The following RPGRIP1L variants were observed in gnomAD, a reference collection of about 807,000 sequenced individuals.
The protein encoded by RPGRIP1L is RPGRIP1 like.
In RPGRIP1L, 131 loss-of-function variants were observed where a neutral mutation model predicts 160.4. That is an observed-to-expected ratio of 0.82 (90% CI 0.71 to 0.94). The LOEUF (loss-of-function observed/expected upper bound fraction) is 0.94, where lower values mean the gene tolerates loss of function less well. RPGRIP1L is among the 40% of genes least tolerant of loss of function. The pLI, the probability that RPGRIP1L is intolerant of heterozygous loss-of-function variation, is 0.00. For synonymous variants in RPGRIP1L, 510 were observed against 515.8 expected, an observed-to-expected ratio of 0.99 and a Z score of 0.15; for missense variants, 1,522 against 1,535.8, an observed-to-expected ratio of 0.99 and a Z score of 0.15.
intron 10 of RPGRIP1L, chr16:53,659,244 A>G (rs1967554510): frequency 1.1e-6 from 1 of 941,236 alleles, no homozygotes; most frequent in Non-Finnish European, 1.3e-6. Context: ...GCATGTGGAA[A>G]AAAAATTGTC....
At chr16:53,647,964 C>G (rs1417935519) in intron 16 of RPGRIP1L, among the ~76,000 whole-genome samples, 3 of 151,826 alleles carry the variant, frequency 2.0e-5, no homozygotes, top group African/African-American at 7.3e-5. Flanking sequence ...ATTTAGCCGG[C>G]TGTAGTGGCA....
chr16:53,620,618 T>C (rs114606911), intron 23 of RPGRIP1L, among the ~76,000 whole-genome samples: 1,571 of 152,290 alleles, frequency 0.01, 29 homozygotes, highest in African/African-American at 0.036. Flanking sequence ...ATTAAAGTGA[T>C]GGTCTTTGAC....
chr16:53,695,373 G>T, intron 3 of RPGRIP1L: 1 of 702,962 alleles, frequency 1.4e-6, no homozygotes, highest in South Asian at 1.5e-5. Context: ...AGTAGAAACT[G>T]AACTGGAACC....
At chr16:53,639,958 C>T (rs1435176313) in intron 19 of RPGRIP1L, among the ~76,000 whole-genome samples, 1 of 151,988 alleles carries the variant, frequency 6.6e-6, no homozygotes, top group Non-Finnish European at 1.5e-5. Flanking sequence ...ATTTAAAAAT[C>T]CATTGAGCTC....
chr16:53,668,393 T>C (rs896557287), intron 9 of RPGRIP1L, among the ~76,000 whole-genome samples: 4 of 152,162 alleles, frequency 2.6e-5, no homozygotes, highest in Non-Finnish European at 5.9e-5. Context: ...AATATCATCT[T>C]AAAAACTAGA....
At chr16:53,621,021 A>G (rs1274929846) in intron 23 of RPGRIP1L, among the ~76,000 whole-genome samples, 2 of 152,232 alleles carry the variant, frequency 1.3e-5, no homozygotes, top group African/African-American at 4.8e-5. Flanking sequence ...GAAAATAGCT[A>G]TAAAAAGAAA....
intron 22 of RPGRIP1L, among the ~76,000 whole-genome samples, chr16:53,633,785 ATAGAG>A (rs72029016): frequency 0.023 from 3,518 of 152,322 alleles, 76 homozygotes; most frequent in Non-Finnish European, 0.034. Context: ...GATAAAACAA[ATAGAG>A]TAAAGACTTA....
chr16:53,626,163 A>G (rs899410321), intron 22 of RPGRIP1L, among the ~76,000 whole-genome samples: 4 of 151,576 alleles, frequency 2.6e-5, no homozygotes, highest in Middle Eastern at 3.4e-3. Flanking sequence ...AAAAAAAAAA[A>G]AAAAAGAAAA....
At chr16:53,696,123 A>G (rs1437326858) in intron 3 of RPGRIP1L, 28 bp downstream of exon 3, 1 of 1,610,292 alleles carries the variant, frequency 6.2e-7, no homozygotes, top group Non-Finnish European at 8.5e-7. Flanking sequence ...TGAGTCAAGA[A>G]AAAAAGCTAA....
At chr16:53,604,137 C>G (rs1387034209) in intron 26 of RPGRIP1L, among the ~76,000 whole-genome samples, 1 of 152,154 alleles carries the variant, frequency 6.6e-6, no homozygotes, top group African/African-American at 2.4e-5. Flanking sequence ...TTCTCTGTGC[C>G]AAAGTTGTGA....
chr16:53,655,718 T>G (rs1334282226), intron 14 of RPGRIP1L: 1 of 152,214 alleles, frequency 6.6e-6, no homozygotes, highest in African/African-American at 2.4e-5. Flanking sequence ...TAAAAAAGCA[T>G]GGGCCCCAGA....
At chr16:53,609,657 G>C (rs1320806483) in intron 25 of RPGRIP1L, among the ~76,000 whole-genome samples, 2 of 152,100 alleles carry the variant, frequency 1.3e-5, no homozygotes, top group Non-Finnish European at 2.9e-5. Flanking sequence ...CCATGGCGCA[G>C]CTTGCTGACT....
intron 14 of RPGRIP1L, chr16:53,653,444 T>C: frequency 1.5e-6 from 1 of 658,336 alleles, no homozygotes; most frequent in Non-Finnish European, 1.9e-6. Flanking sequence ...CTGATCATGA[T>C]GATGGTTTCA....
In RPGRIP1L at chr16:53,601,461, TAA is replaced by T. The variant is rs1192312945; in HGVS notation, c.*613_*614del. ...TTGCAGTCATTGAATAAGTTGGTGC[TAA>T]GTTTCATTCTTTATATTTAATTGAT... is the stretch of plus-strand genomic sequence containing the variant. On this transcript the variant is annotated 3_prime_UTR_variant, in exon 27 of 27. Transcript: ENST00000647211. 3 of 152,896 alleles carry T rather than the reference TAA, an allele frequency of 2.0e-5. No individual in the cohort carries two copies. Among genetic ancestry groups the T allele is most frequent in the Non-Finnish European group, 2.9e-5 (2 of 68,246 alleles). 9.5% of individuals were successfully genotyped at this position (152,896 alleles called of 1,614,324 possible).
intron 17 of RPGRIP1L, among the ~76,000 whole-genome samples, chr16:53,644,154 C>A (rs1008909317): frequency 6.6e-6 from 1 of 152,160 alleles, no homozygotes; most frequent in East Asian, 1.9e-4. Flanking sequence ...CATAGCGAGA[C>A]CCCTAATTCT....
intron 24 of RPGRIP1L, among the ~76,000 whole-genome samples, chr16:53,612,494 T>C: frequency 6.6e-6 from 1 of 151,564 alleles, no homozygotes; most frequent in Non-Finnish European, 1.5e-5. Context: ...ATGGGATTTT[T>C]TTTTTTTTTT....
chr16:53,687,896 A>C lies in RPGRIP1L; in HGVS notation c.599T>G (p.Leu200Ter), dbSNP rs564992297. 1 of 1,611,240 alleles carries C rather than the reference A, an allele frequency of 6.2e-7. No individual in the cohort carries two copies. Among genetic ancestry groups the C allele is most frequent in the East Asian group, 2.2e-5 (1 of 44,726 alleles). The change falls in exon 5 of 27, where the codon TTA (leucine) becomes TGA (stop). Residue 200 changes from leucine to a stop codon, truncating the protein, a stop_gained. Transcript: ENST00000647211. LOFTEE classifies it high-confidence loss of function. ...HPMFTKYGNS[L>*]LEEARGEIRN... ...TATTTCTCCTCTGGCTTCTTCAAGT[A>C]AACTGTTGCCATATTTTGTAAACAT... is the stretch of plus-strand genomic sequence containing the variant.
intron 6 of RPGRIP1L, among the ~76,000 whole-genome samples, chr16:53,678,764 T>C (rs1315688266): frequency 1.3e-5 from 2 of 152,166 alleles, no homozygotes; most frequent in Non-Finnish European, 2.9e-5. Flanking sequence ...TGAGTAATAG[T>C]TACAGGCTGA....
chr16:53,605,436 C>T, intron 26 of RPGRIP1L, 45 bp downstream of exon 26: 1 of 1,611,334 alleles, frequency 6.2e-7, no homozygotes, highest in Non-Finnish European at 8.5e-7. Context: ...GTTTGGAGTT[C>T]AGCAATTGTT....
Sources: allele counts gnomAD v4.1 joint callset (sites outside exome capture counted in the v4.1 genomes callset), GRCh38; gene constraint gnomAD v4.1.1; transcripts MANE v1.5; gene names NCBI Gene and HGNC (gene_info 2026-07-23, HGNC 2026-07-21).